NUS1: variants seen among roughly 807,000 people sequenced by gnomAD.
NUS1 encodes NUS1 dehydrodolichyl diphosphate synthase subunit.
For synonymous variants in NUS1, 135 were observed against 155.2 expected, an observed-to-expected ratio of 0.87 and a Z score of 0.97; for missense variants, 292 against 382.9, an observed-to-expected ratio of 0.76 and a Z score of 1.98.
intron 1 of NUS1, among the ~76,000 whole-genome samples, chr6:117,677,100 T>C (rs1173398828): frequency 6.6e-6 from 1 of 152,158 alleles, no homozygotes; most frequent in Admixed American, 6.5e-5. Flanking sequence ...ATAGGGAGTT[T>C]TTGTAAGTAC....
chr6:117,689,553 T>C (rs916042581), intron 1 of NUS1, among the ~76,000 whole-genome samples: 1 of 151,084 alleles, frequency 6.6e-6, no homozygotes, highest in African/African-American at 2.4e-5. Flanking sequence ...TTTTTTGTTT[T>C]GTTTTTTGTT....
At chr6:117,683,727 A>G (rs991454716) in intron 1 of NUS1, among the ~76,000 whole-genome samples, 7 of 152,224 alleles carry the variant, frequency 4.6e-5, no homozygotes, top group African/African-American at 1.7e-4. Context: ...AAATAATCAC[A>G]GTAAAAATTC....
chr6:117,678,025 T>G (rs1773009073), intron 1 of NUS1, among the ~76,000 whole-genome samples: 1 of 152,226 alleles, frequency 6.6e-6, no homozygotes, highest in South Asian at 2.1e-4. Flanking sequence ...TAGTACAGAC[T>G]ATAATGTTGC....
At chr6:117,679,441 A>C (rs1367511011) in intron 1 of NUS1, among the ~76,000 whole-genome samples, 1 of 152,224 alleles carries the variant, frequency 6.6e-6, no homozygotes, top group Admixed American at 6.5e-5. Flanking sequence ...AGGTAGGATG[A>C]AGGCTTGGAC....
chr6:117,689,552 T>C (rs1437582730), intron 1 of NUS1, among the ~76,000 whole-genome samples: 2 of 151,106 alleles, frequency 1.3e-5, no homozygotes, highest in Admixed American at 6.6e-5. Flanking sequence ...TTTTTTTGTT[T>C]TGTTTTTTGT....
Position 117,681,805 on chromosome 6 carries a change from A to G in NUS1, c.415+5720A>G, listed in dbSNP as rs569943460. On this transcript the variant is annotated intron_variant, in intron 1 of 4. Transcript: ENST00000368494. Reference sequence around the variant, plus strand: ...AATGTCCTCTTCACCTTTTTCTGGCAAAGGGCTAGCTACCTGTCAAAAGAC... The same window carrying G: ...AATGTCCTCTTCACCTTTTTCTGGCGAAGGGCTAGCTACCTGTCAAAAGAC... 5.4e-4 allele frequency among the ~76,000 whole-genome samples: 83 copies of G among 152,296 alleles called. No homozygotes were observed. The South Asian group carries it at 0.016, about 30-fold the overall frequency.
intron 1 of NUS1, among the ~76,000 whole-genome samples, chr6:117,685,360 A>G (rs1773121717): frequency 6.6e-6 from 1 of 151,234 alleles, no homozygotes; most frequent in African/African-American, 2.4e-5. Context: ...CATAATGGCT[A>G]TTTGATATAT....
At chr6:117,681,684 CAT>C (rs1298953233) in intron 1 of NUS1, among the ~76,000 whole-genome samples, 3 of 152,336 alleles carry the variant, frequency 2.0e-5, no homozygotes, top group Admixed American at 2.0e-4. Context: ...TATCTTCCCT[CAT>C]GTGGAAACTC....
At chr6:117,699,258 G>A (rs58572019) in intron 3 of NUS1, among the ~76,000 whole-genome samples, 9,754 of 152,010 alleles carry the variant, frequency 0.064, 358 homozygotes, top group African/African-American at 0.092. Flanking sequence ...AGATTCCACC[G>A]GACAACAATT....
chr6:117,707,122 T>G lies in NUS1; in HGVS notation c.*107T>G, dbSNP rs1773511899. ...AACCCTGTACACACCTAGTTCATAA[T>G]CCTCATAATTTATCAACAAACACAA... On this transcript the variant is annotated 3_prime_UTR_variant, in exon 5 of 5. Coordinates refer to ENST00000368494, the MANE Select transcript of NUS1 (RefSeq NM_138459.5). 1.1e-6 allele frequency: 1 copy of G among 939,214 alleles called. No individual in the cohort carries two copies. Among genetic ancestry groups the G allele is most frequent in the Non-Finnish European group, 1.7e-6 (1 of 594,114 alleles). 58.2% of individuals were successfully genotyped at this position (939,214 alleles called of 1,614,324 possible). A position where few individuals can be genotyped will look rare whatever the true frequency, so the allele number is the denominator to read the frequency against.
At chr6:117,690,102 G>T (rs944850379) in intron 1 of NUS1, among the ~76,000 whole-genome samples, 16 of 152,098 alleles carry the variant, frequency 1.1e-4, no homozygotes, top group Non-Finnish European at 2.1e-4. Context: ...TACTCCACAG[G>T]TATTACTGTT....
chr6:117,686,845 AGTGTGTATGT>A (rs766889114), intron 1 of NUS1, among the ~76,000 whole-genome samples: 5,899 of 114,422 alleles, frequency 0.052, 201 homozygotes, highest in African/African-American at 0.11. Context: ...TATCATGTGA[AGTGTGTATGT>A]GTGTGTGTGT....
chr6:117,677,053 CCT>C (rs1240871308), intron 1 of NUS1, among the ~76,000 whole-genome samples: 1 of 152,130 alleles, frequency 6.6e-6, no homozygotes, highest in East Asian at 1.9e-4. Flanking sequence ...ATAGAATTGT[CCT>C]CTCATATGTT....
intron 3 of NUS1, among the ~76,000 whole-genome samples, chr6:117,694,488 T>C (rs1773287567): frequency 6.6e-6 from 1 of 152,006 alleles, no homozygotes. Flanking sequence ...TTAGCCTTCC[T>C]CTCCCTCTTC....
intron 1 of NUS1, among the ~76,000 whole-genome samples, chr6:117,685,395 T>C (rs1013693327): frequency 4.6e-5 from 7 of 152,084 alleles, no homozygotes; most frequent in Non-Finnish European, 2.9e-5. Flanking sequence ...TTTTTTTTTT[T>C]AGAGACAGGG....
intron 3 of NUS1, among the ~76,000 whole-genome samples, chr6:117,696,166 C>T (rs1049429089): frequency 6.6e-6 from 1 of 151,908 alleles, no homozygotes; most frequent in African/African-American, 2.4e-5. Flanking sequence ...ATCAGAGTCT[C>T]TTAATAGCAG....
intron 3 of NUS1, among the ~76,000 whole-genome samples, chr6:117,700,115 A>G (rs550074827): frequency 1.3e-5 from 2 of 152,314 alleles, no homozygotes; most frequent in East Asian, 3.9e-4. Flanking sequence ...CTACAAGCAC[A>G]GGCAACCAGA....
intron 3 of NUS1, among the ~76,000 whole-genome samples, chr6:117,702,516 A>G (rs755090413): frequency 6.6e-6 from 1 of 152,102 alleles, no homozygotes; most frequent in African/African-American, 2.4e-5. Context: ...TTTGGTCAGT[A>G]TCTAGTGTTC....
chr6:117,694,854 A>G (rs918606326), intron 3 of NUS1, among the ~76,000 whole-genome samples: 1 of 152,084 alleles, frequency 6.6e-6, no homozygotes, highest in Non-Finnish European at 1.5e-5. Flanking sequence ...ACAGTTTTAG[A>G]CATTCATTCA....
Sources: allele counts gnomAD v4.1 joint callset (sites outside exome capture counted in the v4.1 genomes callset), GRCh38; gene constraint gnomAD v4.1.1; transcripts MANE v1.5; gene names NCBI Gene and HGNC (gene_info 2026-07-23, HGNC 2026-07-21).